The following COL3A1 variants were observed in gnomAD, a reference collection of about 807,000 sequenced individuals.
COL3A1 encodes the protein collagen type III alpha 1 chain, also known as collagen alpha-1(III) chain.
COL3A1 carries 46 observed loss-of-function variants against 200.9 expected under a neutral mutation model. That is an observed-to-expected ratio of 0.23 (90% CI 0.18 to 0.29). The LOEUF is 0.29. COL3A1 is among the 10% of genes least tolerant of loss of function. The pLI, the probability that COL3A1 is intolerant of heterozygous loss-of-function variation, is 1.00. For missense variants in COL3A1, 1,367 were observed against 1,917.6 expected (o/e 0.71, Z 5.36); for synonymous variants, 650 against 628.0 (o/e 1.03, Z -0.52).
chr2:188,994,875 T>G lies in COL3A1; in HGVS notation c.1455+44T>G. ...ATCTAAAAGAAAAGCAGCATCACTG[T>G]CATCTAAATAAAACTACCTTCAGGG... On this transcript the variant is annotated intron_variant, in intron 20 of 50. Coordinates refer to ENST00000304636, the MANE Select transcript of COL3A1 (RefSeq NM_000090.4). The surrounding 1 kb of genome is among the most constrained non-coding windows in gnomAD (Gnocchi z 4.5). 4 of 1,603,668 alleles carry G rather than the reference T, an allele frequency of 2.5e-6. No homozygotes were observed.
At chr2:189,002,528 G>A (rs534206795) in intron 35 of COL3A1, among the ~76,000 whole-genome samples, 177 bp downstream of exon 35, 1 of 152,170 alleles carries the variant, frequency 6.6e-6, no homozygotes, top group Non-Finnish European at 1.5e-5. Flanking sequence ...TTTGAAAGAT[G>A]GAAATAAAAA....
chr2:189,011,874 A>C lies in COL3A1; in HGVS notation c.*100A>C, dbSNP rs1688737652. The C allele has an allele frequency of 1.5e-6, 2 of 1,333,600 alleles. No homozygotes were observed. 82.6% of individuals were successfully genotyped at this position (1,333,600 alleles called of 1,614,324 possible). Reference sequence around the variant, plus strand: ...CAGTGCAAGTGACCGACAAAATTCCAGTTATTTATTTCCAAAATGTTTGGA... The same window carrying C: ...CAGTGCAAGTGACCGACAAAATTCCCGTTATTTATTTCCAAAATGTTTGGA... On this transcript the variant is annotated 3_prime_UTR_variant, in exon 51 of 51. Coordinates refer to ENST00000304636, the MANE Select transcript of COL3A1 (RefSeq NM_000090.4).
At position 189,007,096 on chromosome 2, in the gene COL3A1, AAT is replaced by A. The variant is rs36195651; in HGVS notation, c.3255+149_3255+150del. The stretch of plus-strand genomic sequence containing the variant: ...CCAGCGTGTTCAGGAAAAAAGAATG[AAT>A]ATATATATATATATATATATATATA... On this transcript the variant is annotated intron_variant, in intron 44 of 50. Coordinates refer to ENST00000304636, the MANE Select transcript of COL3A1 (RefSeq NM_000090.4). 0.018 allele frequency: 4,030 copies of A among 228,322 alleles called. 85 individuals carry two copies. The highest frequency in any genetic ancestry group is 0.03 in the African/African-American group (811 of 27,456). The allele number at this position is 228,322 out of a possible 1,614,324, so 14.1% of individuals were successfully genotyped here. A position where few individuals can be genotyped will look rare whatever the true frequency, so the allele number is the denominator to read the frequency against.
intron 27 of COL3A1, 91 bp downstream of exon 27, chr2:188,997,844 T>C: frequency 8.7e-7 from 1 of 1,148,310 alleles, no homozygotes; most frequent in South Asian, 1.3e-5. Flanking sequence ...AAGCTTAACT[T>C]GTGATTCTGT....
intron 1 of COL3A1, chr2:188,978,153 A>G (rs1002976932): frequency 4.4e-6 from 1 of 226,490 alleles, no homozygotes; most frequent in Non-Finnish European, 1.0e-5. Context: ...CTAAAGGCCT[A>G]CATATAAAAA....
chr2:188,982,694 G>T (rs941676967), intron 1 of COL3A1, among the ~76,000 whole-genome samples: 15 of 151,920 alleles, frequency 9.9e-5, no homozygotes, highest in African/African-American at 3.6e-4. Context: ...GATCTGGAGG[G>T]CTTAAAATAC....
rs755528878 is a variant in COL3A1, at chr2:188,998,692, G to A, written c.1996G>A (p.Gly666Ser). The A allele has an allele frequency of 7.4e-6, 12 of 1,613,842 alleles. No individual in the cohort carries two copies. The highest frequency in any genetic ancestry group is 9.3e-6 in the Non-Finnish European group (11 of 1,179,866). Residue 666 changes from glycine to serine, a missense_variant, in exon 29 of 51, where the codon GGT (glycine) becomes AGT (serine). Gly to Ser is a moderately conservative substitution (Grantham distance 56). Around this residue, in one of 5 missense-constraint regions of COL3A1, gnomAD observed 846 missense variants for 1,147.9 expected, o/e 0.74. Coordinates refer to ENST00000304636, the MANE Select transcript of COL3A1 (RefSeq NM_000090.4). ...CTCCCAGGGTCCAAAGGGTGATGCC[G>A]GTGCACCTGGAGCTCCAGGAGGCAA... ...PGEPGPKGDAGAPGAPGGKGD... is the reference protein window; with the variant it reads ...PGEPGPKGDASAPGAPGGKGD...
chr2:189,005,122 T>C (rs1003173527), intron 40 of COL3A1, among the ~76,000 whole-genome samples: 4 of 152,196 alleles, frequency 2.6e-5, no homozygotes, highest in African/African-American at 9.6e-5. Flanking sequence ...AATTAGATAA[T>C]CAATGTAACT....
At position 189,010,254 on chromosome 2, in the gene COL3A1, A is replaced by G; in HGVS notation, c.3900A>G (p.Glu1300=). ...IKVFCNMETG[E]TCISANPLNV... is the part of the protein sequence containing the mutation. ...TATTCTGTAATATGGAAACTGGGGA[A>G]ACATGCATAAGTGCCAATCCTTTGA... Residue 1300 remains glutamate, a synonymous_variant, in exon 49 of 51, where the codon GAA becomes GAG. Transcript: ENST00000304636. 2 of 1,614,204 alleles carry G rather than the reference A, an allele frequency of 1.2e-6. No homozygotes were observed. The highest frequency in any genetic ancestry group is 1.7e-6 in the Non-Finnish European group (2 of 1,180,010).
In COL3A1 at chr2:189,003,767, C is replaced by G; in HGVS notation, c.2641C>G (p.Pro881Ala). ...TGGCTTCCCTGGTGCTCGTGGTCTT[C>G]CTGGTCCTCCTGGTAGTAATGTAAG... The part of the protein sequence containing the change: ...AAGFPGARGL[P>A]GPPGSNGNPG... Residue 881 changes from proline to alanine, a missense_variant, in exon 38 of 51, where the codon CCT becomes GCT. By Grantham distance (27) the Pro-to-Ala change is conservative. Transcript: ENST00000304636. 6.2e-7 allele frequency: 1 copy of G among 1,613,714 alleles called. No individual in the cohort carries two copies. The highest frequency in any genetic ancestry group is 1.1e-5 in the South Asian group (1 of 91,046).
At chr2:188,987,203 A>G in intron 5 of COL3A1, 64 bp downstream of exon 5, 3 of 1,321,938 alleles carry the variant, frequency 2.3e-6, no homozygotes, top group Non-Finnish European at 2.2e-6. Context: ...AAAATCTTGA[A>G]TGGTTGCTCT....
intron 14 of COL3A1, 132 bp downstream of exon 14, chr2:188,992,360 T>C (rs2153502182): frequency 1.3e-6 from 1 of 787,014 alleles, no homozygotes; most frequent in South Asian, 1.8e-5. Context: ...ATATACACAT[T>C]AGCATCTCTG....
chr2:188,977,373 G>A (rs957042536), intron 1 of COL3A1, among the ~76,000 whole-genome samples: 23 of 152,042 alleles, frequency 1.5e-4, no homozygotes, highest in African/African-American at 5.3e-4. Flanking sequence ...TTTTAAAACT[G>A]TAAATGGACT....
At chr2:188,997,584 C>T (rs1559057812) in intron 26 of COL3A1, 116 bp from the exon 27 acceptor site, 7 of 1,217,290 alleles carry the variant, frequency 5.8e-6, no homozygotes, top group Non-Finnish European at 7.2e-6. Context: ...GGTCCAGGTC[C>T]TCCCTTTTCT....
intron 46 of COL3A1, 34 bp downstream of exon 46, chr2:189,007,972 T>C: frequency 1.2e-6 from 2 of 1,614,048 alleles, no homozygotes; most frequent in Non-Finnish European, 1.7e-6. Flanking sequence ...CAGGTCCACA[T>C]GTTTCAGATG....
At chr2:189,004,684 T>C (rs757972755) in intron 40 of COL3A1, among the ~76,000 whole-genome samples, 34 of 152,108 alleles carry the variant, frequency 2.2e-4, no homozygotes, top group Non-Finnish European at 4.6e-4. Flanking sequence ...AAGGGGGAAA[T>C]AGTGTTAGCT....
intron 3 of COL3A1, 63 bp downstream of exon 3, chr2:188,985,310 T>C: frequency 7.4e-7 from 1 of 1,353,966 alleles, no homozygotes; most frequent in Non-Finnish European, 1.1e-6. Context: ...AAGAGTTTGC[T>C]TTTTCTAGAT....
At chr2:188,982,406 C>G (rs1255959800) in intron 1 of COL3A1, among the ~76,000 whole-genome samples, 2 of 151,626 alleles carry the variant, frequency 1.3e-5, no homozygotes, top group Admixed American at 6.6e-5. Flanking sequence ...TGTGAGGACA[C>G]CCTTAATGAG....
chr2:188,988,671 T>C (rs776777474), intron 7 of COL3A1, 28 bp downstream of exon 7: 141 of 1,507,998 alleles, frequency 9.4e-5, no homozygotes, highest in Middle Eastern at 1.7e-4. Context: ...TTATATTTAG[T>C]AAGTCGATAA....
Sources: allele counts gnomAD v4.1 joint callset (sites outside exome capture counted in the v4.1 genomes callset), GRCh38; gene constraint gnomAD v4.1.1; regional missense constraint gnomAD v4.1.1; non-coding constraint Gnocchi (gnomAD v3.1); transcripts MANE v1.5; gene names NCBI Gene and HGNC (gene_info 2026-07-23, HGNC 2026-07-21).